Variants in OPCML observed in about 807,000 individuals in gnomAD.
The protein encoded by OPCML is opioid-binding protein/cell adhesion molecule.
OPCML carries 13 observed loss-of-function variants against 37.8 expected under a neutral mutation model. The observed-to-expected ratio is 0.34, with a 90% CI of 0.22 to 0.55. The LOEUF (loss-of-function observed/expected upper bound fraction) is 0.55. OPCML is among the 20% of genes least tolerant of loss of function. The pLI, the probability that OPCML is intolerant of heterozygous loss-of-function variation, is 0.91. For synonymous variants in OPCML, 176 were observed against 168.8 expected, an observed-to-expected ratio of 1.04 and a Z score of -0.33; for missense variants, 341 against 435.6, an observed-to-expected ratio of 0.78 and a Z score of 1.93.
intron 1 of OPCML, among the ~76,000 whole-genome samples, chr11:133,038,635 A>T (rs1282385211): frequency 6.6e-6 from 1 of 152,212 alleles, no homozygotes; most frequent in Non-Finnish European, 1.5e-5. Context: ...ACAGATGATA[A>T]AACTGCTGCA....
At chr11:132,439,414 C>T (rs1006220619) in intron 4 of OPCML, among the ~76,000 whole-genome samples, 3 of 152,176 alleles carry the variant, frequency 2.0e-5, no homozygotes, top group Non-Finnish European at 2.9e-5. Flanking sequence ...CCGGCATTTG[C>T]TGGATGGTGC....
intron 1 of OPCML, among the ~76,000 whole-genome samples, chr11:133,092,709 G>C (rs1948926806): frequency 6.6e-6 from 1 of 152,108 alleles, no homozygotes; most frequent in Non-Finnish European, 1.5e-5. Context: ...CTGAACAACA[G>C]AGTGAGACTG....
chr11:132,700,602 C>T (rs1183089337), intron 2 of OPCML, among the ~76,000 whole-genome samples: 2 of 152,146 alleles, frequency 1.3e-5, no homozygotes, highest in East Asian at 3.8e-4. Context: ...CAATATTCCT[C>T]CTATTATCAA....
intron 1 of OPCML, among the ~76,000 whole-genome samples, chr11:133,255,248 T>C (rs918081508): frequency 6.6e-5 from 10 of 152,166 alleles, no homozygotes; most frequent in African/African-American, 2.4e-4. Flanking sequence ...ATAAAACACT[T>C]AAATACGAAT....
intron 1 of OPCML, among the ~76,000 whole-genome samples, chr11:133,458,732 T>C (rs762618540): frequency 1.3e-4 from 18 of 136,412 alleles, no homozygotes; most frequent in Admixed American, 1.0e-3. Flanking sequence ...TATATACACA[T>C]AGATGCACGT....
At chr11:133,161,387 C>T (rs1482066549) in intron 1 of OPCML, among the ~76,000 whole-genome samples, 2 of 152,080 alleles carry the variant, frequency 1.3e-5, no homozygotes, top group African/African-American at 4.8e-5. Flanking sequence ...AGAATTAAGT[C>T]CTAGAAGATA....
intron 1 of OPCML, among the ~76,000 whole-genome samples, chr11:133,181,878 CCCTCCTCCAAAGCTGGCACAGTGAAG>C (rs548569963): frequency 1.0e-3 from 157 of 152,318 alleles, no homozygotes; most frequent in South Asian, 7.7e-3. Context: ...GATGCTGAGT[CCCTCCTCCAAAGCTGGCACAGTGAAG>C]CCTCCTCCAA....
chr11:133,341,232 G>A (rs1463185926), intron 1 of OPCML, among the ~76,000 whole-genome samples: 1 of 152,036 alleles, frequency 6.6e-6, no homozygotes, highest in Non-Finnish European at 1.5e-5. Context: ...GAATTCTAAT[G>A]AACAAAAAAT....
chr11:133,094,908 A>G (rs1948974263), intron 1 of OPCML, among the ~76,000 whole-genome samples: 1 of 152,172 alleles, frequency 6.6e-6, no homozygotes, highest in African/African-American at 2.4e-5. Flanking sequence ...ATTTTACCCC[A>G]GTGATGCAGG....
intron 1 of OPCML, among the ~76,000 whole-genome samples, chr11:133,249,210 G>A (rs547760156): frequency 1.3e-5 from 2 of 152,298 alleles, no homozygotes; most frequent in African/African-American, 4.8e-5. Context: ...CACAGGGCCA[G>A]CATTTGCTTC....
intron 2 of OPCML, among the ~76,000 whole-genome samples, chr11:132,861,848 A>AC (rs1380182816): frequency 2.6e-5 from 4 of 151,794 alleles, no homozygotes; most frequent in East Asian, 3.9e-4. Flanking sequence ...TAAAAAAAAA[A>AC]AAAAAAAACA....
chr11:133,396,955 C>G (rs2136826435), intron 1 of OPCML, among the ~76,000 whole-genome samples: 1 of 152,296 alleles, frequency 6.6e-6, no homozygotes, highest in South Asian at 2.1e-4. Flanking sequence ...GGTTTGGCCC[C>G]TATTCAGACT....
At chr11:133,216,380 C>A (rs1004828273) in intron 1 of OPCML, among the ~76,000 whole-genome samples, 1 of 152,148 alleles carries the variant, frequency 6.6e-6, no homozygotes, top group Non-Finnish European at 1.5e-5. Flanking sequence ...CTCTTATGAG[C>A]CCTTTGGATG....
chr11:133,213,246 A>G (rs1463303287), intron 1 of OPCML, among the ~76,000 whole-genome samples: 1 of 146,644 alleles, frequency 6.8e-6, no homozygotes, highest in African/African-American at 2.6e-5. Context: ...TTTTTTTGCC[A>G]AATGTTGCTC....
intron 1 of OPCML, among the ~76,000 whole-genome samples, chr11:133,159,218 A>G (rs138983370): frequency 6.6e-6 from 1 of 152,294 alleles, no homozygotes; most frequent in African/African-American, 2.4e-5. Context: ...GCATCCCGAC[A>G]AGCATTTCTG....
intron 1 of OPCML, among the ~76,000 whole-genome samples, chr11:133,458,829 G>GTGTATATACACATAGATGCACGTGTGTC (rs1946786631): frequency 6.6e-6 from 1 of 150,884 alleles, no homozygotes; most frequent in Non-Finnish European, 1.5e-5. Flanking sequence ...GCACGTGTGT[G>GTGTATATACACATAGATGCACGTGTGTC]TGTATATACA....
At position 133,205,856 on chromosome 11, in the gene OPCML, G is replaced by A. The variant is rs1241526541; in HGVS notation, c.62-262846C>T. Reference sequence around the variant, plus strand: ...AGAGTTTTGGATTCCAACAAGCCAGGGTCAGGTCTTCCTAAGATGTCAGAG... The same window carrying A: ...AGAGTTTTGGATTCCAACAAGCCAGAGTCAGGTCTTCCTAAGATGTCAGAG... On this transcript the variant is annotated intron_variant, in intron 1 of 7. Coordinates refer to ENST00000524381, the MANE Select transcript of OPCML (RefSeq NM_001012393.5). This position sits in a 1 kb window ranked among gnomAD's most constrained non-coding sequence, Gnocchi z 4.8. Among the ~76,000 whole-genome samples the A allele has an allele frequency of 6.6e-6, 1 of 152,140 alleles. No homozygotes were observed. Among genetic ancestry groups the A allele is most frequent in the Non-Finnish European group, 1.5e-5 (1 of 68,032 alleles).
intron 1 of OPCML, among the ~76,000 whole-genome samples, chr11:133,044,167 G>T (rs1470098228): frequency 6.6e-6 from 1 of 152,184 alleles, no homozygotes; most frequent in Non-Finnish European, 1.5e-5. Flanking sequence ...AAGGGTGTGT[G>T]CATGTGCTTG....
At chr11:132,503,403 T>C (rs1384210614) in intron 4 of OPCML, among the ~76,000 whole-genome samples, 1 of 152,220 alleles carries the variant, frequency 6.6e-6, no homozygotes, top group African/African-American at 2.4e-5. Flanking sequence ...TGATCACTTA[T>C]GCATTGTCAG....
Sources: gnomAD v4.1 joint callset for allele counts (sites outside exome capture counted in the v4.1 genomes callset) on GRCh38, gnomAD v4.1.1 for gene constraint, Gnocchi (gnomAD v3.1) non-coding constraint, MANE v1.5 for transcripts, NCBI Gene and HGNC (gene_info 2026-07-23, HGNC 2026-07-21) for gene names.